The following CRISPLD2 variants were observed in gnomAD, a reference collection of about 807,000 sequenced individuals.
CRISPLD2 encodes the protein cysteine-rich secretory protein LCCL domain-containing 2.
Under a neutral mutation model 71.1 loss-of-function variants are expected in CRISPLD2, and 47 were observed. The ratio of observed to expected loss-of-function variants is 0.66; its 90% CI spans 0.52 to 0.84. CRISPLD2 has a LOEUF of 0.84. CRISPLD2 is among the 40% of genes least tolerant of loss of function. CRISPLD2 has a pLI of 0.00. For missense variants in CRISPLD2, 830 were observed against 651.1 expected (o/e 1.27, Z -2.99); for synonymous variants, 317 against 250.1 (o/e 1.27, Z -2.52).
intron 6 of CRISPLD2, among the ~76,000 whole-genome samples, chr16:84,861,552 C>G (rs557750967): frequency 1.6e-4 from 24 of 152,286 alleles, no homozygotes; most frequent in Middle Eastern, 6.8e-3. Flanking sequence ...TGCTTTATAT[C>G]CTAGCTGCTA....
chr16:84,868,284 A>G (rs1917597367), intron 7 of CRISPLD2, among the ~76,000 whole-genome samples: 1 of 152,234 alleles, frequency 6.6e-6, no homozygotes, highest in South Asian at 2.1e-4. Context: ...TTCTTTTAAT[A>G]ACATACAACG....
chr16:84,822,502 G>A (rs1220424282), intron 1 of CRISPLD2, among the ~76,000 whole-genome samples: 1 of 152,196 alleles, frequency 6.6e-6, no homozygotes, highest in South Asian at 2.1e-4. Context: ...CTGTGTGTGG[G>A]AGGTGTCTGC....
intron 14 of CRISPLD2, among the ~76,000 whole-genome samples, chr16:84,896,928 C>T (rs750988802): frequency 5.2e-4 from 79 of 152,364 alleles, no homozygotes; most frequent in Non-Finnish European, 1.0e-3. Flanking sequence ...TCCCTGTCTG[C>T]CTCTGGAACC....
intron 5 of CRISPLD2, 86 bp from the exon 6 acceptor site, chr16:84,854,643 G>A: frequency 1.1e-6 from 1 of 933,818 alleles, no homozygotes; most frequent in South Asian, 1.3e-5. Flanking sequence ...CGGTGTTCAG[G>A]GACTCACGTG....
intron 6 of CRISPLD2, among the ~76,000 whole-genome samples, chr16:84,862,220 T>A (rs1172015878): frequency 6.6e-6 from 1 of 152,068 alleles, no homozygotes; most frequent in Admixed American, 6.5e-5. Flanking sequence ...ACCTTTTTTT[T>A]GAGTCATGGC....
chr16:84,853,263 A>C (rs962137876), intron 5 of CRISPLD2, among the ~76,000 whole-genome samples: 5 of 151,916 alleles, frequency 3.3e-5, no homozygotes, highest in African/African-American at 1.2e-4. Context: ...CATCTGAGAA[A>C]CCTACTGGGC....
intron 3 of CRISPLD2, chr16:84,846,198 C>T: frequency 3.9e-6 from 1 of 258,540 alleles, no homozygotes; most frequent in Non-Finnish European, 7.5e-6. Flanking sequence ...TTCCTTCCTT[C>T]CTCCCTCCCT....
At chr16:84,822,936 T>G (rs2326397) in intron 1 of CRISPLD2, among the ~76,000 whole-genome samples, 1 of 151,900 alleles carries the variant, frequency 6.6e-6, no homozygotes, top group Non-Finnish European at 1.5e-5. Flanking sequence ...GTTTAGTACA[T>G]TGGAAGTATT....
At chr16:84,859,434 C>T (rs1278420224) in intron 6 of CRISPLD2, among the ~76,000 whole-genome samples, 1 of 152,154 alleles carries the variant, frequency 6.6e-6, no homozygotes, top group Non-Finnish European at 1.5e-5. Context: ...TGCACGGTTT[C>T]CCTGGTACAA....
Position 84,901,013 on chromosome 16 carries a change from GCACACACACACA to G in CRISPLD2, c.1440-5555_1440-5544del, listed in dbSNP as rs3222775. ...TGCAGTGAATCATGATGGTGTCACTGCACACACACACACACACACACACACACACACGCAAAA... is the reference window on the plus strand; with the variant it reads ...TGCAGTGAATCATGATGGTGTCACTGCACACACACACACACACACGCAAAA... On this transcript the variant is annotated intron_variant, in intron 14 of 14. Transcript: ENST00000262424. Among the ~76,000 whole-genome samples the G allele has an allele frequency of 8.8e-3, 1,227 of 140,176 alleles. 11 individuals are homozygous for G. The highest frequency in any genetic ancestry group is 0.029 in the African/African-American group (1,120 of 38,328). The allele number at this position is 140,176 out of a possible 152,430, so 92.0% of individuals were successfully genotyped here. A position where few individuals can be genotyped will look rare whatever the true frequency, so the allele number is the denominator to read the frequency against.
intron 5 of CRISPLD2, among the ~76,000 whole-genome samples, chr16:84,853,448 G>T (rs908431862): frequency 1.3e-5 from 2 of 152,214 alleles, no homozygotes; most frequent in East Asian, 3.9e-4. Context: ...GGGTGGAAGA[G>T]GCTGTGTGCA....
At chr16:84,864,546 G>C (rs953087161) in intron 6 of CRISPLD2, among the ~76,000 whole-genome samples, 20 of 152,216 alleles carry the variant, frequency 1.3e-4, no homozygotes, top group Admixed American at 1.3e-4. Context: ...TGCAAACCCG[G>C]TGTCTTCCTG....
At chr16:84,867,860 T>A (rs540539883) in intron 7 of CRISPLD2, among the ~76,000 whole-genome samples, 127 of 152,306 alleles carry the variant, frequency 8.3e-4, no homozygotes, top group African/African-American at 2.9e-3. Flanking sequence ...CTCCCCAAGC[T>A]TTTGTTCTGT....
intron 13 of CRISPLD2, among the ~76,000 whole-genome samples, chr16:84,881,682 C>A (rs1323229927): frequency 6.6e-6 from 1 of 152,108 alleles, no homozygotes; most frequent in Non-Finnish European, 1.5e-5. Flanking sequence ...CACTATGTTG[C>A]CCAGGCTGAT....
intron 13 of CRISPLD2, among the ~76,000 whole-genome samples, chr16:84,885,413 C>T (rs2071603700): frequency 6.6e-6 from 1 of 152,210 alleles, no homozygotes; most frequent in Non-Finnish European, 1.5e-5. Flanking sequence ...GATCTTTCCT[C>T]CAAAGGGGGA....
intron 2 of CRISPLD2, chr16:84,839,634 A>T (rs755024176): frequency 6.6e-6 from 1 of 152,080 alleles, no homozygotes; most frequent in Non-Finnish European, 1.5e-5. Context: ...CTGCTACTTG[A>T]CCCCAAGCTC....
intron 6 of CRISPLD2, among the ~76,000 whole-genome samples, chr16:84,866,140 A>T (rs999581174): frequency 2.0e-5 from 3 of 152,102 alleles, no homozygotes; most frequent in Non-Finnish European, 2.9e-5. Context: ...TGTGTGCATG[A>T]TGAGGAAGAC....
intron 14 of CRISPLD2, among the ~76,000 whole-genome samples, chr16:84,894,915 G>T (rs2071693202): frequency 6.6e-6 from 1 of 151,554 alleles, no homozygotes; most frequent in African/African-American, 2.4e-5. Flanking sequence ...TCTCGCTATG[G>T]GTCTAGAAAT....
chr16:84,869,049 G>A (rs1215986304), intron 8 of CRISPLD2, 138 bp downstream of exon 8: 8 of 721,540 alleles, frequency 1.1e-5, no homozygotes. Flanking sequence ...GGCAGAACAG[G>A]GGTTAGGGCT....
Sources: allele counts gnomAD v4.1 joint callset (sites outside exome capture counted in the v4.1 genomes callset), GRCh38; gene constraint gnomAD v4.1.1; transcripts MANE v1.5; gene names NCBI Gene and HGNC (gene_info 2026-07-23, HGNC 2026-07-21).